The following PARP9 variants were observed in gnomAD, a reference collection of about 807,000 sequenced individuals.
PARP9 encodes protein mono-ADP-ribosyltransferase PARP9.
Under a neutral mutation model 68.8 loss-of-function variants are expected in PARP9, and 48 were observed. The observed-to-expected ratio is 0.70, with a 90% CI of 0.55 to 0.89. The LOEUF (loss-of-function observed/expected upper bound fraction) is 0.89. Ranked by LOEUF, PARP9 falls within the 40% of genes least tolerant of loss-of-function variation. PARP9 has a pLI of 0.00. For synonymous variants in PARP9, 309 were observed against 333.8 expected, an observed-to-expected ratio of 0.93 and a Z score of 0.81; for missense variants, 806 against 969.3, an observed-to-expected ratio of 0.83 and a Z score of 2.24.
chr3:122,564,326 G>A (rs2080501314), upstream of PARP9: 11 of 1,369,812 alleles, frequency 8.0e-6, no homozygotes, highest in South Asian at 1.4e-4. Context: ...GGACCTCCAG[G>A]GAAGCGAAAC....
intron 7 of PARP9, among the ~76,000 whole-genome samples, chr3:122,541,556 G>A (rs943499470): frequency 1.3e-5 from 2 of 152,186 alleles, no homozygotes; most frequent in African/African-American, 2.4e-5. Flanking sequence ...AGAGCTTGAA[G>A]AGTCAAAATT....
Position 122,550,723 on chromosome 3 carries a change from C to T in PARP9, c.1187G>A (p.Gly396Glu). ...CTTCTTTATTTCCATGTTTCCAGTC[C>T]CAAGGGCAGGAAAGGAAATGGAAGT... ...NITSISFPAL[G>E]TGNMEIKKET... Residue 396 changes from glycine (G) to glutamate (E), a missense_variant, in exon 6 of 11, where the codon GGG (glycine) becomes GAG (glutamate). Around this residue, in one of 2 missense-constraint regions of PARP9, gnomAD observed 680 missense variants for 858.8 expected, o/e 0.79. Transcript: ENST00000682323. The T allele has an allele frequency of 6.2e-7, 1 of 1,614,104 alleles. No individual in the cohort carries two copies.
At chr3:122,539,507 A>ATTCCTTCCTTTC (rs1553714534) in intron 8 of PARP9, among the ~76,000 whole-genome samples, 3 of 133,162 alleles carry the variant, frequency 2.3e-5, no homozygotes, top group Non-Finnish European at 4.7e-5. Context: ...CCAAGATGGC[A>ATTCCTTCCTTTC]TTTCTTTCTT....
upstream of PARP9, chr3:122,564,760 C>A: frequency 9.8e-7 from 1 of 1,021,482 alleles, no homozygotes; most frequent in Non-Finnish European, 1.4e-6. Flanking sequence ...GCCCTACTGC[C>A]AAGAGACTCA....
chr3:122,545,517 TC>T, intron 6 of PARP9, 28 bp from the exon 7 acceptor site: 1 of 1,612,030 alleles, frequency 6.2e-7, no homozygotes, highest in Non-Finnish European at 8.5e-7. Context: ...GAGCAGAGAG[TC>T]ATAAGCAGGG....
At chr3:122,559,511 A>G (rs909217914) in intron 2 of PARP9, 95 bp downstream of exon 2, 1 of 1,266,196 alleles carries the variant, frequency 7.9e-7, no homozygotes, top group Non-Finnish European at 1.1e-6. Context: ...GAGGATGTCA[A>G]CTGTTGGTGA....
rs745677021 is a variant in PARP9, at chr3:122,556,141, TAAAAAAAAAAA to T, written c.50-31_50-21del. 0.28 allele frequency: 57,609 copies of T among 209,296 alleles called. 3,002 individuals are homozygous for T. Among genetic ancestry groups the T allele is most frequent in the Middle Eastern group, 0.33 (272 of 812 alleles). The allele number at this position is 209,296 out of a possible 1,614,324, so 13.0% of individuals were successfully genotyped here. On this transcript the variant is annotated intron_variant, in intron 3 of 10. Coordinates refer to ENST00000682323, the MANE Select transcript of PARP9 (RefSeq NM_001146105.2). ...CAGTCTCTGGAAAAGAAGAGAAGAT[TAAAAAAAAAAA>T]AAAAAAAAAAAAAAAAAAAAAGCAC... is the stretch of plus-strand genomic sequence containing the variant.
intron 1 of PARP9, among the ~76,000 whole-genome samples, chr3:122,560,008 G>A (rs2080051139): frequency 6.6e-6 from 1 of 152,142 alleles, no homozygotes. Context: ...GGATGCAGGA[G>A]GTTTTTACAT....
chr3:122,559,503 G>A (rs2080004848), intron 2 of PARP9, 103 bp downstream of exon 2: 1 of 1,146,634 alleles, frequency 8.7e-7, no homozygotes, highest in Admixed American at 2.6e-5. Flanking sequence ...AAGCAGATGA[G>A]GATGTCAACT....
chr3:122,545,416 T>C lies in PARP9; in HGVS notation c.1384+16A>G, dbSNP rs192183747. The C allele has an allele frequency of 3.7e-6, 6 of 1,613,912 alleles. No individual in the cohort carries two copies. In the East Asian group the frequency reaches 1.3e-4, roughly 36 times the overall value. ...GTGGGCGACCCTACTTATTGGCCTG[T>C]GAATTTCTTACTCACCACTGTAATT... On this transcript the variant is annotated intron_variant, in intron 7 of 10. Coordinates refer to ENST00000682323, the MANE Select transcript of PARP9 (RefSeq NM_001146105.2).
At chr3:122,555,156 C>T in intron 4 of PARP9, 130 bp downstream of exon 4, 1 of 949,682 alleles carries the variant, frequency 1.1e-6, no homozygotes, top group South Asian at 1.8e-5. Context: ...GCATGTACCA[C>T]TGCATCTGGC....
chr3:122,552,832 A>G (rs1200676576), intron 4 of PARP9, among the ~76,000 whole-genome samples, 193 bp from the exon 5 acceptor site: 2 of 152,184 alleles, frequency 1.3e-5, no homozygotes, highest in African/African-American at 4.8e-5. Flanking sequence ...ACGAAGCTGA[A>G]TTACATAATT....
chr3:122,560,053 A>T (rs923989635), intron 1 of PARP9, among the ~76,000 whole-genome samples: 2 of 152,196 alleles, frequency 1.3e-5, no homozygotes, highest in African/African-American at 4.8e-5. Context: ...AAGTGGTGAG[A>T]CTGAGAACAG....
chr3:122,564,564 G>A (rs1422923732), upstream of PARP9: 4 of 1,607,000 alleles, frequency 2.5e-6, no homozygotes, highest in East Asian at 6.8e-5. Flanking sequence ...TCAGCACCCA[G>A]GAACACGAAG....
intron 10 of PARP9, among the ~76,000 whole-genome samples, chr3:122,529,821 C>T (rs1050767864): frequency 6.6e-6 from 1 of 151,388 alleles, no homozygotes; most frequent in Admixed American, 6.6e-5. Flanking sequence ...TTCCAGAACT[C>T]TCAAGAAGAT....
In PARP9 at chr3:122,543,655, G is replaced by A. The variant is rs1399287961; in HGVS notation, c.1384+1777C>T. 3.9e-5 allele frequency among the ~76,000 whole-genome samples: 6 copies of A among 152,160 alleles called. No homozygotes were observed. The East Asian group carries it at 1.2e-3, about 29-fold the overall frequency. ...AATCATTTTGTTTATTTGTCACCCA[G>A]GTTGGAGTGCAGTGGCACAATCATG... is the stretch of plus-strand genomic sequence containing the variant. On this transcript the variant is annotated intron_variant, in intron 7 of 10. Coordinates refer to ENST00000682323, the MANE Select transcript of PARP9 (RefSeq NM_001146105.2).
At chr3:122,549,136 T>A (rs2078991756) in intron 6 of PARP9, among the ~76,000 whole-genome samples, 1 of 151,978 alleles carries the variant, frequency 6.6e-6, no homozygotes, top group African/African-American at 2.4e-5. Flanking sequence ...TGCCTCAGCC[T>A]CCCGAGTAGC....
rs1306528842 is a variant in PARP9, at chr3:122,558,239, G to A, written c.49+195C>T. On this transcript the variant is annotated intron_variant, in intron 3 of 10. Transcript: ENST00000682323. ...TTTACGGGCAAAGGAGAGGAATGGT[G>A]TAGGCCTTGAGAGAATATGCCTGCT... 24 of 1,444,620 alleles carry A rather than the reference G, an allele frequency of 1.7e-5. No individual in the cohort carries two copies. In the South Asian group the frequency reaches 2.6e-4, roughly 16 times the overall value. The allele number at this position is 1,444,620 out of a possible 1,614,324, so 89.5% of individuals were successfully genotyped here. A position where few individuals can be genotyped will look rare whatever the true frequency, so the allele number is the denominator to read the frequency against.
chr3:122,539,738 A>G (rs1489595211), intron 8 of PARP9, among the ~76,000 whole-genome samples: 1 of 151,312 alleles, frequency 6.6e-6, no homozygotes, highest in Non-Finnish European at 1.5e-5. Context: ...TTTTTTTTGT[A>G]TTTTTAGTAG....
Sources: gnomAD v4.1 joint callset for allele counts (sites outside exome capture counted in the v4.1 genomes callset) on GRCh38, gnomAD v4.1.1 for gene constraint, gnomAD v4.1.1 regional missense constraint, MANE v1.5 for transcripts, NCBI Gene and HGNC (gene_info 2026-07-23, HGNC 2026-07-21) for gene names.